Variants in DLGAP1 observed in about 807,000 individuals in gnomAD.
The protein encoded by DLGAP1 is disks large-associated protein 1.
Under a neutral mutation model 90.8 loss-of-function variants are expected in DLGAP1, and 11 were observed. The ratio of observed to expected loss-of-function variants is 0.12; its 90% CI spans 0.08 to 0.20. The LOEUF (loss-of-function observed/expected upper bound fraction) is 0.20. Ranked by LOEUF, DLGAP1 falls within the 10% of genes least tolerant of loss-of-function variation. The pLI is 1.00. For missense variants in DLGAP1, 1,050 were observed against 1,333.8 expected, an observed-to-expected ratio of 0.79 and a Z score of 3.31; for synonymous variants, 558 against 540.7, an observed-to-expected ratio of 1.03 and a Z score of -0.44.
At chr18:3,553,981 T>C (rs1056396218) in intron 9 of DLGAP1, among the ~76,000 whole-genome samples, 2 of 152,102 alleles carry the variant, frequency 1.3e-5, no homozygotes, top group Non-Finnish European at 2.9e-5. Context: ...ACTGCTGGAG[T>C]CTTAGAGTCA....
rs555503918 is a variant in DLGAP1 at position 4,419,722 on chromosome 18, C to G, written c.-267+35284G>C. Among the ~76,000 whole-genome samples the G allele has an allele frequency of 2.6e-5, 4 of 151,972 alleles. No individual in the cohort carries two copies. The South Asian group carries it at 8.3e-4, about 32-fold the overall frequency. On this transcript the variant is annotated intron_variant, in intron 1 of 12. Coordinates refer to ENST00000315677, the MANE Select transcript of DLGAP1 (RefSeq NM_004746.4). ...GGATTATAATATTTGTAGGTAGACTCTACTTGATATTTATTGCAAATCACA... is the reference window on the plus strand; with the variant it reads ...GGATTATAATATTTGTAGGTAGACTGTACTTGATATTTATTGCAAATCACA...
chr18:4,316,788 C>CCTG (rs2080539041), intron 1 of DLGAP1, among the ~76,000 whole-genome samples: 1 of 152,202 alleles, frequency 6.6e-6, no homozygotes, highest in African/African-American at 2.4e-5. Context: ...TCAATCTCTT[C>CCTG]CTGAGTCCGG....
chr18:3,916,939 A>G (rs573377513), intron 3 of DLGAP1, among the ~76,000 whole-genome samples: 49 of 152,210 alleles, frequency 3.2e-4, no homozygotes, highest in South Asian at 1.0e-3. Flanking sequence ...TGACTTTACG[A>G]TGGTGCAAAA....
At chr18:4,325,316 C>CT (rs2080792926) in intron 1 of DLGAP1, among the ~76,000 whole-genome samples, 1 of 151,990 alleles carries the variant, frequency 6.6e-6, no homozygotes, top group Non-Finnish European at 1.5e-5. Flanking sequence ...GGTGAAAGAT[C>CT]TATACAATGA....
rs151103073 is a variant in DLGAP1 at position 3,846,192 on chromosome 18, T to C, written c.958-31919A>G. Among the ~76,000 whole-genome samples the C allele has an allele frequency of 5.8e-4, 88 of 152,178 alleles. No homozygotes were observed. The East Asian group carries it at 0.016, about 27-fold the overall frequency. On this transcript the variant is annotated intron_variant, in intron 4 of 12. Transcript: ENST00000315677. ...TAAAATCCAGCTTTACTGAGTGCAATCTGCAACCACATCAGCAAGATCACT... is the reference window on the plus strand; with the variant it reads ...TAAAATCCAGCTTTACTGAGTGCAACCTGCAACCACATCAGCAAGATCACT...
At chr18:3,721,474 T>C (rs2061980180) in intron 7 of DLGAP1, 2 of 152,230 alleles carry the variant, frequency 1.3e-5, no homozygotes, top group African/African-American at 4.8e-5. Context: ...GAGTATTTTC[T>C]TTTCATAGGC....
chr18:4,368,522 C>T (rs2081830526), intron 1 of DLGAP1, among the ~76,000 whole-genome samples: 1 of 152,114 alleles, frequency 6.6e-6, no homozygotes, highest in Non-Finnish European at 1.5e-5. Flanking sequence ...TTCAGACTCA[C>T]ATCAACTATT....
chr18:3,851,117 AGGTAAGTG>A (rs2069313872), intron 4 of DLGAP1, among the ~76,000 whole-genome samples: 1 of 152,200 alleles, frequency 6.6e-6, no homozygotes, highest in African/African-American at 2.4e-5. Context: ...ATACTGTGGT[AGGTAAGTG>A]GGAGGTATGA....
chr18:3,994,381 G>C (rs1422394776), intron 3 of DLGAP1, among the ~76,000 whole-genome samples: 3 of 152,136 alleles, frequency 2.0e-5, no homozygotes, highest in Non-Finnish European at 4.4e-5. Flanking sequence ...TTGTCTCTGG[G>C]TACCTCGGCC....
At chr18:4,001,868 C>T (rs566720263) in intron 3 of DLGAP1, among the ~76,000 whole-genome samples, 1 of 152,284 alleles carries the variant, frequency 6.6e-6, no homozygotes, top group East Asian at 1.9e-4. Flanking sequence ...TTCAGTTGCC[C>T]TTCCCAGAGT....
At position 4,265,524 on chromosome 18, in the gene DLGAP1, T is replaced by C. The variant is rs116009968; in HGVS notation, c.-266-114237A>G. On this transcript the variant is annotated intron_variant, in intron 1 of 12. Coordinates refer to ENST00000315677, the MANE Select transcript of DLGAP1 (RefSeq NM_004746.4). ...TTTCTTTGTTTCTTCTTTTTCTTTC[T>C]TTCCTTCCTTCCTTCCCTCCCCTTC... 3.6e-3 allele frequency among the ~76,000 whole-genome samples: 416 copies of C among 115,518 alleles called. 10 individuals carry two copies. The highest frequency in any genetic ancestry group is 0.013 in the Middle Eastern group (3 of 232). 75.8% of individuals were successfully genotyped at this position (115,518 alleles called of 152,430 possible).
intron 2 of DLGAP1, among the ~76,000 whole-genome samples, chr18:4,053,036 T>A (rs997647425): frequency 5.3e-5 from 8 of 152,240 alleles, no homozygotes; most frequent in Admixed American, 3.9e-4. Context: ...TCCTGTCTTC[T>A]GAGTCCTCTA....
intron 1 of DLGAP1, among the ~76,000 whole-genome samples, chr18:4,211,066 G>A (rs1357107677): frequency 1.3e-5 from 2 of 152,216 alleles, no homozygotes; most frequent in African/African-American, 4.8e-5. Flanking sequence ...CCTTTTTGAA[G>A]TTAAAGGTAG....
intron 1 of DLGAP1, among the ~76,000 whole-genome samples, chr18:4,375,057 C>T (rs912812191): frequency 3.3e-5 from 5 of 152,066 alleles, no homozygotes; most frequent in Admixed American, 2.6e-4. Context: ...ATAAATTTGA[C>T]TCACATAATT....
intron 1 of DLGAP1, among the ~76,000 whole-genome samples, chr18:4,254,965 C>T (rs10164219): frequency 0.023 from 3,560 of 152,182 alleles, 148 homozygotes; most frequent in African/African-American, 0.081. Flanking sequence ...TAGGAAGACA[C>T]GCTGAGCCTT....
At chr18:4,206,402 C>A (rs2077721050) in intron 1 of DLGAP1, among the ~76,000 whole-genome samples, 1 of 152,042 alleles carries the variant, frequency 6.6e-6, no homozygotes, top group Admixed American at 6.6e-5. Context: ...GCTACCAAAC[C>A]TGCAAACAAG....
intron 1 of DLGAP1, among the ~76,000 whole-genome samples, chr18:4,218,436 A>G (rs898970731): frequency 6.6e-6 from 1 of 152,026 alleles, no homozygotes; most frequent in Non-Finnish European, 1.5e-5. Context: ...TAGAAAATTC[A>G]TCACCTCATA....
intron 4 of DLGAP1, among the ~76,000 whole-genome samples, chr18:3,821,337 A>G (rs2067402206): frequency 6.6e-6 from 1 of 150,958 alleles, no homozygotes; most frequent in African/African-American, 2.4e-5. Context: ...GCCCAAGGTC[A>G]TAATAATTGG....
At position 3,565,258 on chromosome 18, in the gene DLGAP1, C is replaced by A. The variant is rs558246058; in HGVS notation, c.2057+2232G>T. Among the ~76,000 whole-genome samples the A allele has an allele frequency of 6.6e-6, 1 of 152,174 alleles. No homozygotes were observed. Among genetic ancestry groups the A allele is most frequent in the South Asian group, 2.1e-4 (1 of 4,810 alleles). On this transcript the variant is annotated intron_variant, in intron 9 of 12. Transcript: ENST00000315677. The surrounding 1 kb of genome is among the most constrained non-coding windows in gnomAD (Gnocchi z 4.0). ...CTGCCTCCTGGGTTAAAGGGATTGTCCTGCCTCAGCCTCCCGAGTTCCTGG... is the reference window on the plus strand; with the variant it reads ...CTGCCTCCTGGGTTAAAGGGATTGTACTGCCTCAGCCTCCCGAGTTCCTGG...
Sources: gnomAD v4.1 joint callset for allele counts (sites outside exome capture counted in the v4.1 genomes callset) on GRCh38, gnomAD v4.1.1 for gene constraint, Gnocchi (gnomAD v3.1) non-coding constraint, MANE v1.5 for transcripts, NCBI Gene and HGNC (gene_info 2026-07-23, HGNC 2026-07-21) for gene names.